Variants in TNPO3 observed in about 807,000 individuals in gnomAD.
TNPO3 encodes the protein transportin-3.
In TNPO3, 65 loss-of-function variants were observed where a neutral mutation model predicts 122.8. That is an observed-to-expected ratio of 0.53 (90% CI 0.43 to 0.65). TNPO3 has a LOEUF of 0.65. Ranked by LOEUF, TNPO3 falls within the 30% of genes least tolerant of loss-of-function variation. TNPO3 has a pLI of 0.00. For missense variants in TNPO3, 850 were observed against 1,136.7 expected, an observed-to-expected ratio of 0.75 and a Z score of 3.63; for synonymous variants, 372 against 411.2, an observed-to-expected ratio of 0.90 and a Z score of 1.15.
chr7:129,008,147 T>TA (rs899694361), intron 4 of TNPO3, among the ~76,000 whole-genome samples: 31 of 142,192 alleles, frequency 2.2e-4, no homozygotes, highest in South Asian at 1.3e-3. Flanking sequence ...AGACTCTGTC[T>TA]AAAAAAAAAA....
chr7:129,005,075 C>G lies in TNPO3; in HGVS notation c.637G>C (p.Val213Leu). Residue 213 changes from valine to leucine, a missense_variant, in exon 5 of 23, where the codon GTT becomes CTT. Physicochemically the swap from Val to Leu is conservative, Grantham distance 32. Transcript: ENST00000265388. ...RCLGSWFNLG[V>L]LDSNFMANNK... ...TTAGCCATGAAGTTACTGTCCAAAA[C>G]TCCCAAGTTAAACCAACTTCCCAAA... is the stretch of plus-strand genomic sequence containing the variant. 6.2e-7 allele frequency: 1 copy of G among 1,613,984 alleles called. No homozygotes were observed. Among genetic ancestry groups the G allele is most frequent in the South Asian group, 1.1e-5 (1 of 91,074 alleles).
intron 20 of TNPO3, among the ~76,000 whole-genome samples, chr7:128,968,376 T>C (rs2128989990): frequency 6.6e-6 from 1 of 152,308 alleles, no homozygotes; most frequent in East Asian, 1.9e-4. Flanking sequence ...ACAAAAATTG[T>C]CTACTCCCTT....
At chr7:129,008,957 T>G (rs1215935076) in intron 4 of TNPO3, among the ~76,000 whole-genome samples, 1 of 152,224 alleles carries the variant, frequency 6.6e-6, no homozygotes, top group Admixed American at 6.5e-5. Flanking sequence ...CTAATCTCTT[T>G]GAAAAGATGA....
chr7:129,016,863 C>T, intron 3 of TNPO3, 120 bp downstream of exon 3: 1 of 798,438 alleles, frequency 1.3e-6, no homozygotes, highest in Non-Finnish European at 2.0e-6. Flanking sequence ...AGGTTAATAA[C>T]ATAATTCTAT....
Position 128,989,945 on chromosome 7 carries a change from G to A in TNPO3, c.1498+16C>T. The A allele has an allele frequency of 6.2e-7, 1 of 1,605,028 alleles. No individual in the cohort carries two copies. Among genetic ancestry groups the A allele is most frequent in the South Asian group, 1.1e-5 (1 of 90,906 alleles). ...ATGACAAGTTAGAAGTGGCAGAGGAGAGAGATTACACATACCAAGGAACTG... is the reference window on the plus strand; with the variant it reads ...ATGACAAGTTAGAAGTGGCAGAGGAAAGAGATTACACATACCAAGGAACTG... On this transcript the variant is annotated intron_variant, in intron 11 of 22. Coordinates refer to ENST00000265388, the MANE Select transcript of TNPO3 (RefSeq NM_012470.4).
intron 3 of TNPO3, 30 bp downstream of exon 3, chr7:129,016,953 G>A: frequency 6.2e-7 from 1 of 1,602,190 alleles, no homozygotes; most frequent in East Asian, 2.2e-5. Context: ...AATTCCAAAT[G>A]CTAATATAGA....
chr7:128,975,234 A>C (rs2128999228), intron 17 of TNPO3, among the ~76,000 whole-genome samples: 1 of 152,348 alleles, frequency 6.6e-6, no homozygotes, highest in East Asian at 1.9e-4. Context: ...TGTCATCTCA[A>C]AGTTTTAGAA....
At chr7:129,052,071 G>A (rs1162280772) in intron 1 of TNPO3, among the ~76,000 whole-genome samples, 1 of 152,232 alleles carries the variant, frequency 6.6e-6, no homozygotes, top group Non-Finnish European at 1.5e-5. Context: ...TCCAGATGCT[G>A]AAGTTGCCTA....
rs1804500019 is a variant in TNPO3 at position 129,021,417 on chromosome 7, T to G, written c.121-3260A>C. Among the ~76,000 whole-genome samples the G allele has an allele frequency of 2.0e-5, 3 of 146,904 alleles. No homozygotes were observed. In the South Asian group the frequency reaches 6.5e-4, roughly 32 times the overall value. ...TTGACCCAATCCAATAGCCAGTAAG[T>G]ATAAGTGTGAAGGGGATGCCAACAG... On this transcript the variant is annotated intron_variant, in intron 1 of 22. Coordinates refer to ENST00000265388, the MANE Select transcript of TNPO3 (RefSeq NM_012470.4).
rs552121702 is a variant in TNPO3, at chr7:128,977,626, T to G, written c.2061+1357A>C. 1.7e-3 allele frequency among the ~76,000 whole-genome samples: 251 copies of G among 148,274 alleles called. 2 individuals carry two copies. Among genetic ancestry groups the G allele is most frequent in the South Asian group, 2.8e-3 (13 of 4,722 alleles). On this transcript the variant is annotated intron_variant, in intron 16 of 22. Coordinates refer to ENST00000265388, the MANE Select transcript of TNPO3 (RefSeq NM_012470.4). ...TTTTTTTTTTTTTTGAGATGGAGTT[T>G]CACTCTGTCACCCAGGCTGGAGTGC...
intron 20 of TNPO3, among the ~76,000 whole-genome samples, chr7:128,968,865 C>T (rs1013461254): frequency 1.3e-4 from 20 of 151,936 alleles, no homozygotes; most frequent in Non-Finnish European, 2.9e-4. Flanking sequence ...TGTATGCCAC[C>T]ACACCCAGCT....
intron 4 of TNPO3, among the ~76,000 whole-genome samples, chr7:129,009,339 C>A (rs961465851): frequency 6.6e-6 from 1 of 152,188 alleles, no homozygotes; most frequent in Non-Finnish European, 1.5e-5. Context: ...AGAATGTAAT[C>A]ATTAAAGGAG....
intron 16 of TNPO3, among the ~76,000 whole-genome samples, chr7:128,978,556 T>C (rs1799312124): frequency 6.6e-6 from 1 of 152,246 alleles, no homozygotes. Flanking sequence ...ATAGACAATG[T>C]ACCTATCACA....
intron 1 of TNPO3, among the ~76,000 whole-genome samples, chr7:129,025,880 CT>C (rs1805090179): frequency 6.6e-6 from 1 of 151,478 alleles, no homozygotes; most frequent in Admixed American, 6.6e-5. Flanking sequence ...AATCCCAGCA[CT>C]TTGGGAGACC....
In TNPO3 at chr7:128,968,504, T is replaced by C. The variant is rs191327526; in HGVS notation, c.2599-1112A>G. Among the ~76,000 whole-genome samples the C allele has an allele frequency of 9.7e-4, 147 of 152,312 alleles. 1 individual carries two copies. Among genetic ancestry groups the C allele is most frequent in the Non-Finnish European group, 1.0e-4 (7 of 68,016 alleles). ...TTCTTCATCCCTTTCTTAAGTGGAA[T>C]GTATACTTCAGTCATAGTTTTGGGC... is the stretch of plus-strand genomic sequence containing the variant. On this transcript the variant is annotated intron_variant, in intron 20 of 22. Coordinates refer to ENST00000265388, the MANE Select transcript of TNPO3 (RefSeq NM_012470.4).
chr7:129,001,006 G>C (rs1311530820), intron 6 of TNPO3, 53 bp downstream of exon 6: 1 of 1,572,770 alleles, frequency 6.4e-7, no homozygotes, highest in Non-Finnish European at 8.7e-7. Context: ...TGACTTAAAA[G>C]AATGACCAGA....
intron 8 of TNPO3, among the ~76,000 whole-genome samples, chr7:128,996,004 C>T (rs1440826898): frequency 2.0e-5 from 3 of 152,120 alleles, no homozygotes; most frequent in African/African-American, 7.2e-5. Flanking sequence ...CAGTTGGATT[C>T]TTCACTTTAA....
chr7:129,054,914 G>A lies in TNPO3; in HGVS notation c.-144C>T, dbSNP rs1247275883. On this transcript the variant is annotated 5_prime_UTR_variant, in exon 1 of 23. Coordinates refer to ENST00000265388, the MANE Select transcript of TNPO3 (RefSeq NM_012470.4). ...CTCCTCCTCTTTGGCCGTTACCAGG[G>A]CAGAAGGCTCTCCGTGGAAGTTGCC... 8 of 1,112,662 alleles carry A rather than the reference G, an allele frequency of 7.2e-6. No individual in the cohort carries two copies. The African/African-American group carries it at 7.8e-5, about 11-fold the overall frequency. 68.9% of individuals were successfully genotyped at this position (1,112,662 alleles called of 1,614,324 possible). A position where few individuals can be genotyped will look rare whatever the true frequency, so the allele number is the denominator to read the frequency against.
intron 21 of TNPO3, among the ~76,000 whole-genome samples, chr7:128,959,066 C>T (rs188677207): frequency 5.9e-5 from 9 of 152,284 alleles, no homozygotes; most frequent in Admixed American, 2.6e-4. Context: ...TTGCCATTAC[C>T]TCTGTGGATT....
Sources: gnomAD v4.1 joint callset for allele counts (sites outside exome capture counted in the v4.1 genomes callset) on GRCh38, gnomAD v4.1.1 for gene constraint, MANE v1.5 for transcripts, NCBI Gene and HGNC (gene_info 2026-07-23, HGNC 2026-07-21) for gene names.